The following HPSE2 variants were observed in gnomAD, a reference collection of about 807,000 sequenced individuals.
HPSE2 encodes inactive heparanase-2.
In HPSE2, 38 loss-of-function variants were observed where a neutral mutation model predicts 60.5. That is an observed-to-expected ratio of 0.63 (90% CI 0.48 to 0.82). The LOEUF is 0.82. Among genes scored for constraint, HPSE2 ranks in the 40% least tolerant of loss-of-function variants. The pLI is 0.00. For synonymous variants in HPSE2, 295 were observed against 293.2 expected (o/e 1.01, Z -0.06); for missense variants, 713 against 740.4 (o/e 0.96, Z 0.43).
At chr10:98,810,517 C>G (rs1350711436) in intron 3 of HPSE2, among the ~76,000 whole-genome samples, 1 of 152,034 alleles carries the variant, frequency 6.6e-6, no homozygotes, top group African/African-American at 2.4e-5. Flanking sequence ...TTTCCCTTCC[C>G]ATTACTGGCA....
chr10:99,181,013 G>T (rs1336336300), intron 2 of HPSE2, among the ~76,000 whole-genome samples: 3 of 151,550 alleles, frequency 2.0e-5, no homozygotes, highest in African/African-American at 7.3e-5. Context: ...ACAGTGTGAC[G>T]ATTCTTCAAG....
At chr10:98,820,536 C>G (rs1336062171) in intron 3 of HPSE2, among the ~76,000 whole-genome samples, 1 of 152,182 alleles carries the variant, frequency 6.6e-6, no homozygotes, top group African/African-American at 2.4e-5. Flanking sequence ...AGAAATTTGA[C>G]AACCCAGATC....
At chr10:98,956,826 G>A (rs544669339) in intron 3 of HPSE2, among the ~76,000 whole-genome samples, 32 of 152,156 alleles carry the variant, frequency 2.1e-4, no homozygotes, top group African/African-American at 6.3e-4. Context: ...TCTCTGAGGA[G>A]TCATATGACC....
intron 7 of HPSE2, among the ~76,000 whole-genome samples, chr10:98,637,828 GTA>G (rs1359839825): frequency 6.6e-6 from 1 of 152,074 alleles, no homozygotes; most frequent in Non-Finnish European, 1.5e-5. Flanking sequence ...AAGGTTCTAG[GTA>G]TATAGACAGT....
chr10:98,849,676 T>A (rs1370476306), intron 3 of HPSE2, among the ~76,000 whole-genome samples: 1 of 152,070 alleles, frequency 6.6e-6, no homozygotes, highest in Non-Finnish European at 1.5e-5. Flanking sequence ...TATTTCTTAA[T>A]AAATGAATAA....
intron 3 of HPSE2, among the ~76,000 whole-genome samples, chr10:98,965,438 T>TAAA (rs36089500): frequency 1.3e-5 from 2 of 148,170 alleles, no homozygotes; most frequent in Non-Finnish European, 3.0e-5. Context: ...ACAAATTAAG[T>TAAA]AAAAAAAAAA....
At chr10:99,081,379 A>G (rs1346052185) in intron 3 of HPSE2, among the ~76,000 whole-genome samples, 1 of 152,192 alleles carries the variant, frequency 6.6e-6, no homozygotes, top group African/African-American at 2.4e-5. Context: ...GCCATTTATC[A>G]TTTAGCCTAT....
chr10:99,297,376 G>A, the HPSE2 span, among the ~76,000 whole-genome samples: 8 of 152,196 alleles, frequency 5.3e-5, no homozygotes, highest in East Asian at 1.9e-4. Context: ...TTCCACTCTG[G>A]TGAAGAGGTG....
intron 5 of HPSE2, among the ~76,000 whole-genome samples, chr10:98,704,486 C>T (rs1948494738): frequency 1.3e-5 from 2 of 151,944 alleles, no homozygotes; most frequent in African/African-American, 4.8e-5. Context: ...AAGCTAGAGG[C>T]ATCATGCTAC....
At chr10:98,472,201 T>C (rs539157924) in intron 11 of HPSE2, among the ~76,000 whole-genome samples, 17 of 151,876 alleles carry the variant, frequency 1.1e-4, no homozygotes, top group African/African-American at 3.9e-4. Context: ...AATATATATA[T>C]ATACTCTTAC....
At chr10:99,184,734 G>A (rs1474606682) in intron 2 of HPSE2, among the ~76,000 whole-genome samples, 3 of 137,894 alleles carry the variant, frequency 2.2e-5, no homozygotes, top group Non-Finnish European at 4.7e-5. Context: ...CTTAAACATT[G>A]CTGAAGAAAA....
At chr10:98,893,061 T>C (rs547561855) in intron 3 of HPSE2, among the ~76,000 whole-genome samples, 52 of 151,832 alleles carry the variant, frequency 3.4e-4, no homozygotes, top group Admixed American at 9.2e-4. Context: ...ATTTTTAATT[T>C]TATTTATTTA....
chr10:98,461,944 A>C (rs937376549), intron 11 of HPSE2: 1 of 749,238 alleles, frequency 1.3e-6, no homozygotes, highest in African/African-American at 1.7e-5. Flanking sequence ...TAAGAGTAGA[A>C]CCAGGAAGCA....
At chr10:99,186,129 C>CACACACACACACATAT (rs765362635) in intron 2 of HPSE2, among the ~76,000 whole-genome samples, 4 of 141,610 alleles carry the variant, frequency 2.8e-5, no homozygotes, top group Non-Finnish European at 6.2e-5. Context: ...CACACACACA[C>CACACACACACACATAT]ACACACACAC....
chr10:99,221,069 T>C (rs977315095), intron 2 of HPSE2, among the ~76,000 whole-genome samples: 1 of 151,986 alleles, frequency 6.6e-6, no homozygotes, highest in South Asian at 2.1e-4. Context: ...GGTCTCAAAC[T>C]CCTGACCTCA....
intron 3 of HPSE2, among the ~76,000 whole-genome samples, chr10:98,805,712 A>G (rs921721161): frequency 1.3e-5 from 2 of 152,148 alleles, no homozygotes; most frequent in Non-Finnish European, 2.9e-5. Context: ...ATTTAGGTAA[A>G]TAAATAAGTT....
chr10:98,925,013 A>C (rs1055648549), intron 3 of HPSE2, among the ~76,000 whole-genome samples: 1 of 152,178 alleles, frequency 6.6e-6, no homozygotes. Flanking sequence ...ACTGAGTTCA[A>C]TGTAAAGTCG....
chr10:99,059,802 A>G (rs1263519570), intron 3 of HPSE2, among the ~76,000 whole-genome samples: 1 of 152,210 alleles, frequency 6.6e-6, no homozygotes, highest in Non-Finnish European at 1.5e-5. Flanking sequence ...TAAAGATACC[A>G]GGACATAAGC....
the HPSE2 span, among the ~76,000 whole-genome samples, chr10:99,296,799 G>C: frequency 2.6e-5 from 4 of 152,206 alleles, no homozygotes; most frequent in African/African-American, 9.6e-5. Context: ...GCCAGTGACA[G>C]TCAGTAGGGC....
Sources: gnomAD v4.1 joint callset for allele counts (sites outside exome capture counted in the v4.1 genomes callset) on GRCh38, gnomAD v4.1.1 for gene constraint, MANE v1.5 for transcripts, NCBI Gene and HGNC (gene_info 2026-07-23, HGNC 2026-07-21) for gene names.